The following PCDHGB1 variants were observed in gnomAD, a reference collection of about 807,000 sequenced individuals.
PCDHGB1 encodes the protein protocadherin gamma-B1.
In PCDHGB1, 34 loss-of-function variants were observed where a neutral mutation model predicts 56.6. The observed-to-expected ratio is 0.60, with a 90% CI of 0.46 to 0.80. PCDHGB1 has a LOEUF of 0.80. Ranked by LOEUF, PCDHGB1 falls within the 30% of genes least tolerant of loss-of-function variation. The pLI, the probability that PCDHGB1 is intolerant of heterozygous loss-of-function variation, is 0.00. For synonymous variants in PCDHGB1, 561 were observed against 505.9 expected (o/e 1.11, Z -1.46); for missense variants, 1,278 against 1,204.6 (o/e 1.06, Z -0.90).
chr5:141,454,691 C>T (rs745856768), intron 1 of PCDHGB1, among the ~76,000 whole-genome samples: 5 of 152,038 alleles, frequency 3.3e-5, no homozygotes, highest in Non-Finnish European at 5.9e-5. Flanking sequence ...CAGGCATGAG[C>T]CACCATGCTC....
intron 1 of PCDHGB1, among the ~76,000 whole-genome samples, chr5:141,439,259 G>A (rs1172204848): frequency 6.6e-6 from 1 of 151,900 alleles, no homozygotes; most frequent in African/African-American, 2.4e-5. Context: ...TGAAGATTCA[G>A]CCAACAGTTC....
At position 141,355,240 on chromosome 5, in the gene PCDHGB1, C is replaced by T. The variant is rs199669967; in HGVS notation, c.2409+2571C>T. 284 of 1,612,752 alleles carry T rather than the reference C, an allele frequency of 1.8e-4. 1 individual carries two copies. The highest frequency in any genetic ancestry group is 7.2e-4 in the Admixed American group (43 of 59,992). ...TGCTCGCCCAGACCACACCCGGCTG[C>T]TCCAGATCTGCCTTCTCCTGGGGGT... On this transcript the variant is annotated intron_variant, in intron 1 of 3. Transcript: ENST00000523390.
chr5:141,432,090 A>T lies in PCDHGB1; in HGVS notation c.2410-62717A>T. 1 of 1,614,164 alleles carries T rather than the reference A, an allele frequency of 6.2e-7. No homozygotes were observed. Among genetic ancestry groups the T allele is most frequent in the Non-Finnish European group, 8.5e-7 (1 of 1,180,034 alleles). On this transcript the variant is annotated intron_variant, in intron 1 of 3. Transcript: ENST00000523390. The surrounding 1 kb of genome is among the most constrained non-coding windows in gnomAD (Gnocchi z 6.0). ...ACTCATATCTCGCTGAACGTGGCAG[A>T]CACCAACGACAACCCGCCGGTCTTC... is the stretch of plus-strand genomic sequence containing the variant.
intron 1 of PCDHGB1, among the ~76,000 whole-genome samples, chr5:141,457,187 G>A (rs1314148733): frequency 1.3e-5 from 2 of 152,210 alleles, no homozygotes; most frequent in Admixed American, 1.3e-4. Flanking sequence ...ATAGTAGAGT[G>A]AGGAAAGCAG....
At chr5:141,460,177 T>C (rs1021646181) in intron 1 of PCDHGB1, among the ~76,000 whole-genome samples, 13 of 152,138 alleles carry the variant, frequency 8.5e-5, no homozygotes, top group African/African-American at 3.1e-4. Context: ...TTGTGGATAT[T>C]TTATCCCAGA....
chr5:141,356,183 G>A lies in PCDHGB1; in HGVS notation c.2409+3514G>A, dbSNP rs368314579. 5.8e-5 allele frequency: 94 copies of A among 1,611,184 alleles called. No homozygotes were observed. Among genetic ancestry groups the A allele is most frequent in the Non-Finnish European group, 7.6e-5 (89 of 1,178,602 alleles). On this transcript the variant is annotated intron_variant, in intron 1 of 3. Transcript: ENST00000523390. The stretch of plus-strand genomic sequence containing the variant: ...GAAGCCCATGATGGGCCTGGTCTCC[G>A]AGCTAGAAGCAAGGTACTGGTGACA...
chr5:141,485,106 T>A lies in PCDHGB1; in HGVS notation c.2410-9701T>A, dbSNP rs2099607051. 8.3e-7 allele frequency: 1 copy of A among 1,206,448 alleles called. No individual in the cohort carries two copies. Among genetic ancestry groups the A allele is most frequent in the Admixed American group, 1.8e-5 (1 of 55,050 alleles). 74.7% of individuals were successfully genotyped at this position (1,206,448 alleles called of 1,614,324 possible). On this transcript the variant is annotated intron_variant, in intron 1 of 3. Coordinates refer to ENST00000523390, the MANE Select transcript of PCDHGB1 (RefSeq NM_018922.3). The surrounding 1 kb of genome is among the most constrained non-coding windows in gnomAD (Gnocchi z 5.7). ...GGGAGATAGGTGTCTCCAGCTGCTG[T>A]GGCTGTTTGGGGCGGGTCGGCTTCA...
At chr5:141,442,708 A>C (rs2098338740) in intron 1 of PCDHGB1, among the ~76,000 whole-genome samples, 2 of 152,254 alleles carry the variant, frequency 1.3e-5, no homozygotes, top group Non-Finnish European at 2.9e-5. Context: ...AGTATCAGAC[A>C]TGCCAGAGCA....
chr5:141,443,235 C>G (rs1182428300), intron 1 of PCDHGB1, among the ~76,000 whole-genome samples: 2 of 151,642 alleles, frequency 1.3e-5, no homozygotes, highest in East Asian at 1.9e-4. Flanking sequence ...AATCTTAGCA[C>G]TTTGGGGCGC....
rs138641753 is a variant in PCDHGB1, at chr5:141,430,814, C to T, written c.2410-63993C>T. On this transcript the variant is annotated intron_variant, in intron 1 of 3. Transcript: ENST00000523390. ...CAAAGGGCTTGTCCTGCTGGGAATC[C>T]TCCTGGGGACTCTGTGGGAGACCGG... is the stretch of plus-strand genomic sequence containing the variant. 97 of 1,534,514 alleles carry T rather than the reference C, an allele frequency of 6.3e-5. No homozygotes were observed. The African/African-American group carries it at 1.1e-3, about 17-fold the overall frequency.
intron 1 of PCDHGB1, among the ~76,000 whole-genome samples, chr5:141,446,315 G>A (rs556077331): frequency 6.6e-6 from 1 of 152,188 alleles, no homozygotes; most frequent in East Asian, 1.9e-4. Context: ...TGATTCCTGG[G>A]TTTCCACATT....
At chr5:141,363,845 A>G (rs922209204) in intron 1 of PCDHGB1, among the ~76,000 whole-genome samples, 1 of 152,250 alleles carries the variant, frequency 6.6e-6, no homozygotes. Flanking sequence ...TCCTAATTTA[A>G]TGGACTAAAT....
intron 1 of PCDHGB1, chr5:141,365,647 C>T: frequency 1.9e-6 from 3 of 1,613,544 alleles, no homozygotes; most frequent in Non-Finnish European, 2.5e-6. Flanking sequence ...GCCACATCCC[C>T]TTGAAAGTAG....
intron 2 of PCDHGB1, among the ~76,000 whole-genome samples, chr5:141,496,991 G>T (rs1164558685): frequency 6.6e-6 from 1 of 151,902 alleles, no homozygotes; most frequent in African/African-American, 2.4e-5. Context: ...TTTGAGACCA[G>T]CCTGGCAGCC....
chr5:141,487,293 C>T lies in PCDHGB1; in HGVS notation c.2410-7514C>T. ...GCAATTTGCTTTGTCTCCTTTGGCT[C>T]ATTCGTGGCACTACTCTCTAAGTGT... is the stretch of plus-strand genomic sequence containing the variant. On this transcript the variant is annotated intron_variant, in intron 1 of 3. Transcript: ENST00000523390. The surrounding 1 kb of genome is among the most constrained non-coding windows in gnomAD (Gnocchi z 5.0). 1 of 1,614,148 alleles carries T rather than the reference C, an allele frequency of 6.2e-7. No individual in the cohort carries two copies. Among genetic ancestry groups the T allele is most frequent in the Non-Finnish European group, 8.5e-7 (1 of 1,180,010 alleles).
intron 1 of PCDHGB1, among the ~76,000 whole-genome samples, chr5:141,455,959 G>T (rs112864392): frequency 0.11 from 16,680 of 150,504 alleles, 1,459 homozygotes; most frequent in African/African-American, 0.24. Context: ...GTGCAGTGGC[G>T]CGATCTCAGC....
intron 1 of PCDHGB1, among the ~76,000 whole-genome samples, chr5:141,460,997 G>A (rs1322943324): frequency 3.4e-5 from 5 of 147,290 alleles, no homozygotes; most frequent in Admixed American, 1.4e-4. Flanking sequence ...ATATATATAT[G>A]TGTATATATA....
rs1308866536 is a variant in PCDHGB1 at position 141,464,896 on chromosome 5, GT to G, written c.2410-29910del. On this transcript the variant is annotated intron_variant, in intron 1 of 3. Coordinates refer to ENST00000523390, the MANE Select transcript of PCDHGB1 (RefSeq NM_018922.3). ...TAGGACTACAGATGGATGCCACCAT[GT>G]CCAGCTAATTTTTTTATTTTTTTGT... 2.0e-5 allele frequency among the ~76,000 whole-genome samples: 3 copies of G among 151,672 alleles called. No homozygotes were observed. The East Asian group carries it at 5.8e-4, about 30-fold the overall frequency.
chr5:141,486,728 G>T lies in PCDHGB1; in HGVS notation c.2410-8079G>T. On this transcript the variant is annotated intron_variant, in intron 1 of 3. Coordinates refer to ENST00000523390, the MANE Select transcript of PCDHGB1 (RefSeq NM_018922.3). This position sits in a 1 kb window ranked among gnomAD's most constrained non-coding sequence, Gnocchi z 5.0. Reference sequence around the variant, plus strand: ...GAACCCCCAGACAGGAGCTGTTCATGCTACTCGATCCTTTGACTATGAGCA... The same window carrying T: ...GAACCCCCAGACAGGAGCTGTTCATTCTACTCGATCCTTTGACTATGAGCA... The T allele has an allele frequency of 6.2e-7, 1 of 1,614,200 alleles. No individual in the cohort carries two copies. The highest frequency in any genetic ancestry group is 8.5e-7 in the Non-Finnish European group (1 of 1,180,052).
Sources: allele counts gnomAD v4.1 joint callset (sites outside exome capture counted in the v4.1 genomes callset), GRCh38; gene constraint gnomAD v4.1.1; non-coding constraint Gnocchi (gnomAD v3.1); transcripts MANE v1.5; gene names NCBI Gene and HGNC (gene_info 2026-07-23, HGNC 2026-07-21).